BRD7: variants seen among roughly 807,000 people sequenced by gnomAD.
BRD7 encodes bromodomain-containing protein 7.
BRD7 carries 15 observed loss-of-function variants against 82.1 expected under a neutral mutation model. That is an observed-to-expected ratio of 0.18 (90% CI 0.12 to 0.28). The LOEUF is 0.28. Among genes scored for constraint, BRD7 ranks in the 10% least tolerant of loss-of-function variants. The pLI, the probability that BRD7 is intolerant of heterozygous loss-of-function variation, is 1.00. For missense variants in BRD7, 638 were observed against 779.9 expected, an observed-to-expected ratio of 0.82 and a Z score of 2.17; for synonymous variants, 232 against 266.9, an observed-to-expected ratio of 0.87 and a Z score of 1.27.
chr16:50,318,490 T>A lies in BRD7; in HGVS notation c.*721A>T, dbSNP rs978166644. The A allele has an allele frequency of 6.6e-6, 1 of 152,196 alleles. No homozygotes were observed. Among genetic ancestry groups the A allele is most frequent in the African/African-American group, 2.4e-5 (1 of 41,450 alleles). The allele number at this position is 152,196 out of a possible 1,614,324, so 9.4% of individuals were successfully genotyped here. ...CAGCAAAATCACCATTTATCTCAGC[T>A]TGCTGATAAAAGGGGGCCATGAATC... On this transcript the variant is annotated 3_prime_UTR_variant, in exon 17 of 17. Coordinates refer to ENST00000394688, the MANE Select transcript of BRD7 (RefSeq NM_013263.5).
At chr16:50,358,488 C>A (rs1461490793) in intron 2 of BRD7, among the ~76,000 whole-genome samples, 2 of 130,690 alleles carry the variant, frequency 1.5e-5, no homozygotes, top group Admixed American at 7.9e-5. Flanking sequence ...AGAGCCAGAT[C>A]CTGTCTCAAA....
chr16:50,320,892 G>C, intron 13 of BRD7, 118 bp from the exon 14 acceptor site: 1 of 711,714 alleles, frequency 1.4e-6, no homozygotes, highest in Admixed American at 2.3e-5. Flanking sequence ...ATTTACTATG[G>C]AGTCCTAATT....
intron 2 of BRD7, among the ~76,000 whole-genome samples, chr16:50,359,154 A>G (rs979509237): frequency 6.6e-6 from 1 of 152,270 alleles, no homozygotes; most frequent in Non-Finnish European, 1.5e-5. Flanking sequence ...TTACACAGAA[A>G]AAACTAAGCA....
chr16:50,348,521 G>C (rs1407434776), intron 5 of BRD7, among the ~76,000 whole-genome samples: 1 of 152,122 alleles, frequency 6.6e-6, no homozygotes, highest in Admixed American at 6.5e-5. Context: ...ATCTGACAAA[G>C]GGCTAATATC....
In BRD7 at chr16:50,328,675, C is replaced by T; in HGVS notation, c.1081G>A (p.Val361Ile). ...LGLLHPVDPIVGEPGYCPVRL... is the reference protein window; with the variant it reads ...LGLLHPVDPIIGEPGYCPVRL... ...AGTTTTACTCTGATCCTACCTCCTA[C>T]AATGGGATCCACAGGATGGAGAAGT... The change falls in exon 9 of 17, where the codon GTA becomes ATA. Residue 361 changes from valine (V) to isoleucine (I), a missense_variant. Around this residue, in one of 3 missense-constraint regions of BRD7, gnomAD observed 402 missense variants for 500.8 expected, o/e 0.80. Transcript: ENST00000394688. The T allele has an allele frequency of 1.2e-6, 2 of 1,613,518 alleles. No homozygotes were observed. Among genetic ancestry groups the T allele is most frequent in the Non-Finnish European group, 1.7e-6 (2 of 1,179,816 alleles).
At chr16:50,319,591 TGGG>T in intron 16 of BRD7, among the ~76,000 whole-genome samples, 1 of 152,094 alleles carries the variant, frequency 6.6e-6, no homozygotes, top group African/African-American at 2.4e-5. Context: ...TAAAAATATT[TGGG>T]GAAAAAACCC....
chr16:50,347,995 A>C (rs771818315), intron 5 of BRD7, among the ~76,000 whole-genome samples: 159 of 152,306 alleles, frequency 1.0e-3, no homozygotes, highest in Non-Finnish European at 2.0e-3. Flanking sequence ...GCATCACACT[A>C]CCTGACTTCA....
rs575740128 is a variant in BRD7 at position 50,334,789 on chromosome 16, C to G, written c.809G>C (p.Gly270Ala). The stretch of plus-strand genomic sequence containing the variant: ...GTCCTCTCTCTCTCTCTGCCAGCAG[C>G]CTCCGTCCTCCCCACTCTGTGAGGT... Reference protein sequence around the residue: ...TDTSQSGEDGGCWQREREDSG... With the variant: ...TDTSQSGEDGACWQREREDSG... Residue 270 changes from glycine (G) to alanine (A), a missense_variant, in exon 7 of 17, where the codon GGC becomes GCC. Physicochemically the swap from Gly to Ala is moderately conservative, Grantham distance 60. Transcript: ENST00000394688. 2 of 1,613,996 alleles carry G rather than the reference C, an allele frequency of 1.2e-6. No homozygotes were observed. The highest frequency in any genetic ancestry group is 1.7e-6 in the Non-Finnish European group (2 of 1,179,974).
intron 12 of BRD7, among the ~76,000 whole-genome samples, chr16:50,322,727 A>G (rs1190755851): frequency 6.6e-6 from 1 of 152,260 alleles, no homozygotes; most frequent in Non-Finnish European, 1.5e-5. Flanking sequence ...AATGAAAAAT[A>G]TTCAATTTTC....
chr16:50,353,970 C>T (rs1277664074), intron 4 of BRD7, among the ~76,000 whole-genome samples: 1 of 152,118 alleles, frequency 6.6e-6, no homozygotes, highest in African/African-American at 2.4e-5. Context: ...TTAATCTAGG[C>T]ACTGAAATTT....
intron 2 of BRD7, among the ~76,000 whole-genome samples, chr16:50,355,721 C>T (rs1381822741): frequency 6.6e-6 from 1 of 152,116 alleles, no homozygotes; most frequent in Admixed American, 6.5e-5. Context: ...CAAAGCAAAG[C>T]TTCAGAACTT....
chr16:50,350,495 T>A (rs374711799), intron 4 of BRD7, among the ~76,000 whole-genome samples: 151 of 152,284 alleles, frequency 9.9e-4, no homozygotes, highest in African/African-American at 3.3e-3. Context: ...TTTGGGAGAT[T>A]AGCACTGCAT....
In BRD7 at chr16:50,346,914, G is replaced by T. The variant is rs553199121; in HGVS notation, c.591+3109C>A. 6.7e-4 allele frequency among the ~76,000 whole-genome samples: 102 copies of T among 152,308 alleles called. 1 individual carries two copies. Among genetic ancestry groups the T allele is most frequent in the Non-Finnish European group, 3.5e-4 (24 of 68,026 alleles). On this transcript the variant is annotated intron_variant, in intron 5 of 16. Transcript: ENST00000394688. ...AATCCTCCCTAACTCATTTTATGAG[G>T]CCAGCATCATCCTGATACCAAAGCC...
At chr16:50,332,436 C>T (rs2037607923) in intron 8 of BRD7, among the ~76,000 whole-genome samples, 1 of 152,028 alleles carries the variant, frequency 6.6e-6, no homozygotes, top group Non-Finnish European at 1.5e-5. Context: ...TGGAGAAATG[C>T]AAATCAAAAC....
rs748800985 is a variant in BRD7 at position 50,325,887 on chromosome 16, T to C, written c.1196-4A>G. 7.6e-6 allele frequency: 12 copies of C among 1,582,718 alleles called. No individual in the cohort carries two copies. The highest frequency in any genetic ancestry group is 9.4e-6 in the Non-Finnish European group (11 of 1,171,482). ...GGCCCATAATTCAAATATAACACTGTTGAAAAAATCAAATACTGTAACACT... is the reference window on the plus strand; with the variant it reads ...GGCCCATAATTCAAATATAACACTGCTGAAAAAATCAAATACTGTAACACT... On this transcript the variant is annotated splice_region_variant and splice_polypyrimidine_tract_variant and intron_variant, in intron 10 of 16. Transcript: ENST00000394688.
intron 2 of BRD7, among the ~76,000 whole-genome samples, chr16:50,364,232 C>G (rs576367535): frequency 2.6e-5 from 4 of 152,238 alleles, no homozygotes; most frequent in African/African-American, 9.6e-5. Context: ...CTCCATGGAA[C>G]TGAGAGAAGA....
In BRD7 at chr16:50,333,591, G is replaced by A. The variant is rs1159238145; in HGVS notation, c.994C>T (p.Arg332Trp). The part of the protein sequence containing the change: ...VKESGGKLTR[R>W]LVNSQCEFER... ...TCAATCACCTGACTGTTCACAAGCC[G>A]CCTGGTCAGCTTTCCTCCAGATTCC... Residue 332 changes from arginine (R) to tryptophan (W), a missense_variant, in exon 8 of 17, where the codon CGG (arginine) becomes TGG (tryptophan). Coordinates refer to ENST00000394688, the MANE Select transcript of BRD7 (RefSeq NM_013263.5). The A allele has an allele frequency of 5.6e-6, 9 of 1,611,784 alleles. No individual in the cohort carries two copies. Among genetic ancestry groups the A allele is most frequent in the East Asian group, 2.2e-5 (1 of 44,884 alleles).
chr16:50,334,786 C>T lies in BRD7; in HGVS notation c.812G>A (p.Cys271Tyr). The T allele has an allele frequency of 6.2e-7, 1 of 1,614,100 alleles. No homozygotes were observed. The highest frequency in any genetic ancestry group is 8.5e-7 in the Non-Finnish European group (1 of 1,179,958). The stretch of plus-strand genomic sequence containing the variant: ...AGAGTCCTCTCTCTCTCTCTGCCAG[C>T]AGCCTCCGTCCTCCCCACTCTGTGA... Reference protein sequence around the residue: ...DTSQSGEDGGCWQREREDSGD... With the variant: ...DTSQSGEDGGYWQREREDSGD... Residue 271 changes from cysteine (C) to tyrosine (Y), a missense_variant, in exon 7 of 17, where the codon TGC (cysteine) becomes TAC (tyrosine). Physicochemically the swap from Cys to Tyr is radical, Grantham distance 194 (BLOSUM62 -2). Coordinates refer to ENST00000394688, the MANE Select transcript of BRD7 (RefSeq NM_013263.5).
chr16:50,361,441 A>G (rs1329067895), intron 2 of BRD7, among the ~76,000 whole-genome samples: 2 of 152,234 alleles, frequency 1.3e-5, no homozygotes, highest in African/African-American at 4.8e-5. Flanking sequence ...CAACTAAACC[A>G]GAAGTCGACC....
Sources: allele counts gnomAD v4.1 joint callset (sites outside exome capture counted in the v4.1 genomes callset), GRCh38; gene constraint gnomAD v4.1.1; regional missense constraint gnomAD v4.1.1; transcripts MANE v1.5; gene names NCBI Gene and HGNC (gene_info 2026-07-23, HGNC 2026-07-21).